The following OR5AS1 variants were observed in gnomAD, a reference collection of about 807,000 sequenced individuals.
OR5AS1 encodes olfactory receptor 5AS1.
For missense variants in OR5AS1, 492 were observed against 378.2 expected, an observed-to-expected ratio of 1.30 and a Z score of -2.50; for synonymous variants, 196 against 141.7, an observed-to-expected ratio of 1.38 and a Z score of -2.72.
chr11:56,027,821 G>GTC (rs944619995), intron 1 of OR5AS1, 109 bp downstream of exon 1: 2 of 151,534 alleles, frequency 1.3e-5, no homozygotes, highest in African/African-American at 4.9e-5. Flanking sequence ...GTGTGTGTGT[G>GTC]TGTGTGTGTG....
At chr11:56,030,170 A>G (rs1853332560) in intron 1 of OR5AS1, among the ~76,000 whole-genome samples, 1 of 152,162 alleles carries the variant, frequency 6.6e-6, no homozygotes, top group Non-Finnish European at 1.5e-5. Context: ...GAGGTACTAT[A>G]TTATAAAACA....
rs1853348768 is a variant in OR5AS1, at chr11:56,031,303, G to T, written c.885G>T (p.Lys295Asn). 1 of 1,607,192 alleles carries T rather than the reference G, an allele frequency of 6.2e-7. No individual in the cohort carries two copies. The highest frequency in any genetic ancestry group is 8.5e-7 in the Non-Finnish European group (1 of 1,177,414). The change falls in exon 2 of 2, where the codon AAG becomes AAT. Residue 295 changes from lysine to asparagine, a missense_variant. Coordinates refer to ENST00000641320, the MANE Select transcript of OR5AS1 (RefSeq NM_001001921.2). ...FNPIIYSFRN[K>N]DVKNALKKLL... is the part of the protein sequence containing the mutation. The stretch of plus-strand genomic sequence containing the variant: ...CAATAATTTATAGTTTCAGAAACAA[G>T]GATGTGAAAAATGCTCTCAAAAAGC...
At chr11:56,028,217 T>C (rs1474972291) in intron 1 of OR5AS1, among the ~76,000 whole-genome samples, 1 of 151,912 alleles carries the variant, frequency 6.6e-6, no homozygotes, top group Non-Finnish European at 1.5e-5. Flanking sequence ...TAACATACAT[T>C]TTGATGCATC....
rs1312045509 is a variant in OR5AS1 at position 56,034,463 on chromosome 11, A to G, written c.*3070A>G. ...ACACAGCACGAGAACTTCATGAAGC[A>G]TACACAAGCATCAATAGCCAAATCG... On this transcript the variant is annotated 3_prime_UTR_variant, in exon 2 of 2. Coordinates refer to ENST00000641320, the MANE Select transcript of OR5AS1 (RefSeq NM_001001921.2). 1 of 152,090 alleles carries G rather than the reference A, an allele frequency of 6.6e-6. No individual in the cohort carries two copies. Among genetic ancestry groups the G allele is most frequent in the Non-Finnish European group, 1.5e-5 (1 of 68,028 alleles). 9.4% of individuals were successfully genotyped at this position (152,090 alleles called of 1,614,324 possible).
Position 56,032,175 on chromosome 11 carries a change from A to C in OR5AS1, c.*782A>C, listed in dbSNP as rs1020618532. 4 of 152,126 alleles carry C rather than the reference A, an allele frequency of 2.6e-5. No individual in the cohort carries two copies. The highest frequency in any genetic ancestry group is 4.8e-5 in the African/African-American group (2 of 41,392). 9.4% of individuals were successfully genotyped at this position (152,126 alleles called of 1,614,324 possible). On this transcript the variant is annotated 3_prime_UTR_variant, in exon 2 of 2. Coordinates refer to ENST00000641320, the MANE Select transcript of OR5AS1 (RefSeq NM_001001921.2). ...TGGGCTAAGTTGATTACTGCAAGAA[A>C]TTCCCTACTTTTTCATTCAGAGTGG...
chr11:56,031,010 C>T lies in OR5AS1; in HGVS notation c.592C>T (p.Leu198=), dbSNP rs745376395. Residue 198 remains leucine (L), a synonymous_variant, in exon 2 of 2, where the codon CTG becomes TTG. Coordinates refer to ENST00000641320, the MANE Select transcript of OR5AS1 (RefSeq NM_001001921.2). Reference sequence around the variant, plus strand: ...TACAGACACTCAGATCAACCAGCTTCTGCTCTTTGCTTTGTGCAGCTTCAT... The same window carrying T: ...TACAGACACTCAGATCAACCAGCTTTTGCTCTTTGCTTTGTGCAGCTTCAT... ...SCTDTQINQL[L]LFALCSFIQT... 1.2e-6 allele frequency: 2 copies of T among 1,614,084 alleles called. No individual in the cohort carries two copies. The highest frequency in any genetic ancestry group is 1.3e-5 in the African/African-American group (1 of 74,908).
rs1208593618 is a variant in OR5AS1, at chr11:56,037,063, C to T, written c.*5670C>T. On this transcript the variant is annotated 3_prime_UTR_variant, in exon 2 of 2. Transcript: ENST00000641320. ...CGAAAAGGCCTTTGATAAAATTCAACACCCTTCGTGCTAAAAACTCTCAAT... is the reference window on the plus strand; with the variant it reads ...CGAAAAGGCCTTTGATAAAATTCAATACCCTTCGTGCTAAAAACTCTCAAT... 6.6e-6 allele frequency: 1 copy of T among 152,052 alleles called. No homozygotes were observed. Among genetic ancestry groups the T allele is most frequent in the Non-Finnish European group, 1.5e-5 (1 of 68,022 alleles). The allele number at this position is 152,052 out of a possible 1,614,324, so 9.4% of individuals were successfully genotyped here.
chr11:56,028,032 G>A (rs893488359), intron 1 of OR5AS1, among the ~76,000 whole-genome samples: 29 of 152,032 alleles, frequency 1.9e-4, no homozygotes, highest in Non-Finnish European at 4.0e-4. Context: ...ATTTTCTGTA[G>A]CAGCATGCTA....
In OR5AS1 at chr11:56,032,170, A is replaced by T. The variant is rs978032881; in HGVS notation, c.*777A>T. 2 of 152,170 alleles carry T rather than the reference A, an allele frequency of 1.3e-5. No homozygotes were observed. The highest frequency in any genetic ancestry group is 1.3e-4 in the Admixed American group (2 of 15,278). The allele number at this position is 152,170 out of a possible 1,614,324, so 9.4% of individuals were successfully genotyped here. A position where few individuals can be genotyped will look rare whatever the true frequency, so the allele number is the denominator to read the frequency against. On this transcript the variant is annotated 3_prime_UTR_variant, in exon 2 of 2. Transcript: ENST00000641320. The stretch of plus-strand genomic sequence containing the variant: ...GTCTTTGGGCTAAGTTGATTACTGC[A>T]AGAAATTCCCTACTTTTTCATTCAG...
chr11:56,034,766 A>G lies in OR5AS1; in HGVS notation c.*3373A>G, dbSNP rs1853387519. 6.6e-6 allele frequency: 1 copy of G among 152,148 alleles called. No homozygotes were observed. Among genetic ancestry groups the G allele is most frequent in the Non-Finnish European group, 1.5e-5 (1 of 68,044 alleles). The allele number at this position is 152,148 out of a possible 1,614,324, so 9.4% of individuals were successfully genotyped here. A position where few individuals can be genotyped will look rare whatever the true frequency, so the allele number is the denominator to read the frequency against. ...AAATTCAGGAAATACATGTAACACC[A>G]CAAAGATACACCTCAAGAAGAGCAA... is the stretch of plus-strand genomic sequence containing the variant. On this transcript the variant is annotated 3_prime_UTR_variant, in exon 2 of 2. Transcript: ENST00000641320.
In OR5AS1 at chr11:56,030,486, TCA is replaced by T; in HGVS notation, c.69_70del (p.Arg24SerfsTer26). ...GTTGGATTCACAGATTATCTACCTC[TCA>T]GAGTCACACTGTTCTTGGTATTCCT... On this transcript the variant is annotated frameshift_variant, in exon 2 of 2. Transcript: ENST00000641320. LOFTEE classifies it low-confidence loss of function (END_TRUNC). 1 of 1,514,874 alleles carries T rather than the reference TCA, an allele frequency of 6.6e-7. No individual in the cohort carries two copies. The highest frequency in any genetic ancestry group is 8.9e-7 in the Non-Finnish European group (1 of 1,129,132). The allele number at this position is 1,514,874 out of a possible 1,614,324, so 93.8% of individuals were successfully genotyped here. A position where few individuals can be genotyped will look rare whatever the true frequency, so the allele number is the denominator to read the frequency against.
In OR5AS1 at chr11:56,030,639, C is replaced by A. The variant is rs753231648; in HGVS notation, c.221C>A (p.Ser74Tyr). ...TTATCTTTCTTAGACATCAGCTGTT[C>A]TACAGCAATCACTCCTAAAATGCTG... ...SNLSFLDISC[S>Y]TAITPKMLAN... The change falls in exon 2 of 2, where the codon TCT (serine) becomes TAT (tyrosine). Residue 74 changes from serine (S) to tyrosine (Y), a missense_variant. By Grantham distance (144) the Ser-to-Tyr change is moderately radical (BLOSUM62 -2). Coordinates refer to ENST00000641320, the MANE Select transcript of OR5AS1 (RefSeq NM_001001921.2). 3.8e-6 allele frequency: 6 copies of A among 1,569,076 alleles called. No homozygotes were observed. In the South Asian group the frequency reaches 7.2e-5, roughly 19 times the overall value.
Position 56,034,099 on chromosome 11 carries a change from C to T in OR5AS1, c.*2706C>T, listed in dbSNP as rs1387436260. 6.6e-6 allele frequency: 1 copy of T among 152,070 alleles called. No individual in the cohort carries two copies. 9.4% of individuals were successfully genotyped at this position (152,070 alleles called of 1,614,324 possible). On this transcript the variant is annotated 3_prime_UTR_variant, in exon 2 of 2. Transcript: ENST00000641320. ...GACGTCCACTCAGAAACTCCACCAC[C>T]AACATCAAAGACCAAAGGTAGATAA...
At chr11:56,030,227 A>T (rs1853332995) in intron 1 of OR5AS1, among the ~76,000 whole-genome samples, 164 bp from the exon 2 acceptor site, 1 of 152,066 alleles carries the variant, frequency 6.6e-6, no homozygotes, top group African/African-American at 2.4e-5. Context: ...ATCTTTAATT[A>T]TTATACTTCC....
chr11:56,032,769 C>A lies in OR5AS1; in HGVS notation c.*1376C>A, dbSNP rs1351012940. 2 of 152,084 alleles carry A rather than the reference C, an allele frequency of 1.3e-5. No individual in the cohort carries two copies. Among genetic ancestry groups the A allele is most frequent in the Non-Finnish European group, 2.9e-5 (2 of 68,026 alleles). 9.4% of individuals were successfully genotyped at this position (152,084 alleles called of 1,614,324 possible). On this transcript the variant is annotated 3_prime_UTR_variant, in exon 2 of 2. Coordinates refer to ENST00000641320, the MANE Select transcript of OR5AS1 (RefSeq NM_001001921.2). ...GATCACTACAATAAAGCAACTGACG[C>A]AGTAAAGTGTCACACAAATTTTTAG...
At chr11:56,028,859 G>A (rs773957418) in intron 1 of OR5AS1, among the ~76,000 whole-genome samples, 22 of 151,978 alleles carry the variant, frequency 1.4e-4, no homozygotes, top group Non-Finnish European at 2.4e-4. Flanking sequence ...CCATCCCATC[G>A]GAAATGTTAG....
Position 56,035,504 on chromosome 11 carries a change from A to G in OR5AS1, c.*4111A>G, listed in dbSNP as rs918183380. The G allele has an allele frequency of 6.6e-6, 1 of 152,164 alleles. No homozygotes were observed. The allele number at this position is 152,164 out of a possible 1,614,324, so 9.4% of individuals were successfully genotyped here. On this transcript the variant is annotated 3_prime_UTR_variant, in exon 2 of 2. Coordinates refer to ENST00000641320, the MANE Select transcript of OR5AS1 (RefSeq NM_001001921.2). Reference sequence around the variant, plus strand: ...GGGGTTGTAATCCTAGTCTCTGATAAAACAGACTATAACCAAAAAAGATCA... The same window carrying G: ...GGGGTTGTAATCCTAGTCTCTGATAGAACAGACTATAACCAAAAAAGATCA...
rs146008991 is a variant in OR5AS1 at position 56,030,545 on chromosome 11, A to T, written c.127A>T (p.Ile43Leu). Reference sequence around the variant, plus strand: ...ATATACATTAACTATGGTCGGAAATATACTCTTAATAATTCTAGTTAATAT... The same window carrying T: ...ATATACATTAACTATGGTCGGAAATTTACTCTTAATAATTCTAGTTAATAT... Reference protein sequence around the residue: ...LVYTLTMVGNILLIILVNINS... With the variant: ...LVYTLTMVGNLLLIILVNINS... Residue 43 changes from isoleucine to leucine, a missense_variant, in exon 2 of 2, where the codon ATA becomes TTA. Coordinates refer to ENST00000641320, the MANE Select transcript of OR5AS1 (RefSeq NM_001001921.2). The T allele has an allele frequency of 9.3e-4, 1,446 of 1,557,076 alleles. 20 individuals carry two copies. The highest frequency in any genetic ancestry group is 3.5e-4 in the Admixed American group (18 of 51,058).
In OR5AS1 at chr11:56,030,848, T is replaced by C. The variant is rs146909933; in HGVS notation, c.430T>C (p.Phe144Leu). Residue 144 changes from phenylalanine to leucine, a missense_variant, in exon 2 of 2, where the codon TTC becomes CTC. Phe to Leu is a conservative substitution (Grantham distance 22). Coordinates refer to ENST00000641320, the MANE Select transcript of OR5AS1 (RefSeq NM_001001921.2). ...GATGTCTAGGAGAGTCTGTGTCTGC[T>C]TCATTGTGTTGGCATATTTCAGTGG... ...TLMSRRVCVC[F>L]IVLAYFSGST... is the part of the protein sequence containing the mutation. 1.2e-4 allele frequency: 196 copies of C among 1,613,916 alleles called. No individual in the cohort carries two copies. Among genetic ancestry groups the C allele is most frequent in the Non-Finnish European group, 1.5e-4 (174 of 1,179,916 alleles).
Sources: gnomAD v4.1 joint callset for allele counts (sites outside exome capture counted in the v4.1 genomes callset) on GRCh38, gnomAD v4.1.1 for gene constraint, MANE v1.5 for transcripts, NCBI Gene and HGNC (gene_info 2026-07-23, HGNC 2026-07-21) for gene names.